Variants in MNAT1 observed in about 807,000 individuals in gnomAD.
MNAT1 encodes MNAT1 component of CDK activating kinase.
A neutral mutation model predicts 42.0 loss-of-function variants in MNAT1; 43 were observed. That is an observed-to-expected ratio of 1.02 (90% CI 0.80 to 1.32). The LOEUF is 1.32. Among genes scored for constraint, MNAT1 ranks in the 40% most tolerant of loss-of-function variants. The pLI is 0.00. For synonymous variants in MNAT1, 118 were observed against 120.0 expected (o/e 0.98, Z 0.11); for missense variants, 306 against 350.4 (o/e 0.87, Z 1.01).
chr14:60,736,922 A>G (rs1896324953), intron 1 of MNAT1, among the ~76,000 whole-genome samples: 2 of 152,198 alleles, frequency 1.3e-5, no homozygotes, highest in Admixed American at 1.3e-4. Context: ...CAGAAATAAA[A>G]TTAAAACAGG....
At chr14:60,831,949 T>A (rs1250728539) in intron 6 of MNAT1, among the ~76,000 whole-genome samples, 1 of 152,214 alleles carries the variant, frequency 6.6e-6, no homozygotes, top group Non-Finnish European at 1.5e-5. Flanking sequence ...CTTTTTTTCA[T>A]GTGTTTGTTG....
At chr14:60,843,832 G>T (rs770529097) in intron 6 of MNAT1, among the ~76,000 whole-genome samples, 18 of 152,048 alleles carry the variant, frequency 1.2e-4, no homozygotes, top group Non-Finnish European at 1.0e-4. Context: ...TTCTTTTAAG[G>T]TAATTTTTGT....
chr14:60,849,528 A>G (rs1315717459), intron 6 of MNAT1, among the ~76,000 whole-genome samples: 1 of 152,182 alleles, frequency 6.6e-6, no homozygotes, highest in African/African-American at 2.4e-5. Flanking sequence ...GTGGTCCTAG[A>G]TTTCTAATAT....
At chr14:60,916,545 C>A (rs2035518654) in intron 7 of MNAT1, among the ~76,000 whole-genome samples, 1 of 152,146 alleles carries the variant, frequency 6.6e-6, no homozygotes, top group African/African-American at 2.4e-5. Context: ...TTCCCAGCTA[C>A]CCAGGAGGCT....
At chr14:60,939,147 CG>C (rs2036078067) in intron 7 of MNAT1, among the ~76,000 whole-genome samples, 1 of 152,000 alleles carries the variant, frequency 6.6e-6, no homozygotes, top group South Asian at 2.1e-4. Context: ...GTCTTGCTAG[CG>C]GTCTATCAAT....
chr14:60,834,941 C>CTTCCTTCCTTCCTTCT lies in MNAT1; in HGVS notation c.687+16109_687+16110insTTTCCTTCCTTCCTTC, dbSNP rs1192817356. 1.7e-3 allele frequency among the ~76,000 whole-genome samples: 235 copies of CTTCCTTCCTTCCTTCT among 139,088 alleles called. 2 individuals carry two copies. The highest frequency in any genetic ancestry group is 6.3e-3 in the African/African-American group (225 of 35,576). 91.2% of individuals were successfully genotyped at this position (139,088 alleles called of 152,430 possible). A position where few individuals can be genotyped will look rare whatever the true frequency, so the allele number is the denominator to read the frequency against. On this transcript the variant is annotated intron_variant, in intron 6 of 7. Coordinates refer to ENST00000261245, the MANE Select transcript of MNAT1 (RefSeq NM_002431.4). ...TGTAGTGCCCTTCCTTCCTTCCTTC[C>CTTCCTTCCTTCCTTCT]TTCCTTCCTTCCTTCCTTCCTTCCT...
chr14:60,872,445 T>C (rs1386105580), intron 6 of MNAT1, among the ~76,000 whole-genome samples: 1 of 152,198 alleles, frequency 6.6e-6, no homozygotes, highest in Admixed American at 6.5e-5. Context: ...CAGCTCTCTC[T>C]GGTTTTCACA....
chr14:60,917,399 A>G (rs1263311760), intron 7 of MNAT1, among the ~76,000 whole-genome samples: 1 of 152,210 alleles, frequency 6.6e-6, no homozygotes, highest in African/African-American at 2.4e-5. Context: ...GTATAAAACA[A>G]TTTTATTAGA....
At chr14:60,759,961 G>T (rs1177317304) in intron 1 of MNAT1, among the ~76,000 whole-genome samples, 3 of 152,094 alleles carry the variant, frequency 2.0e-5, no homozygotes, top group African/African-American at 7.2e-5. Context: ...AGTATAATAT[G>T]GAAGTAGGTC....
chr14:60,757,521 G>A (rs867701540), intron 1 of MNAT1, among the ~76,000 whole-genome samples: 10 of 152,112 alleles, frequency 6.6e-5, no homozygotes, highest in African/African-American at 2.4e-4. Flanking sequence ...CTGTTCCTAA[G>A]CATTTGAACC....
At chr14:60,865,373 C>A (rs1175987130) in intron 6 of MNAT1, among the ~76,000 whole-genome samples, 1 of 152,014 alleles carries the variant, frequency 6.6e-6, no homozygotes, top group East Asian at 1.9e-4. Flanking sequence ...GTTAGGAATT[C>A]TTGGAAATTA....
At position 60,823,408 on chromosome 14, in the gene MNAT1, A is replaced by G. The variant is rs1011850381; in HGVS notation, c.687+4561A>G. 3.9e-5 allele frequency among the ~76,000 whole-genome samples: 6 copies of G among 152,192 alleles called. No homozygotes were observed. In the South Asian group the frequency reaches 6.2e-4, roughly 16 times the overall value. On this transcript the variant is annotated intron_variant, in intron 6 of 7. Transcript: ENST00000261245. ...GAGTTTGTTTGTAATAATGTTTAAC[A>G]TTCTGCTGCAAGGCATATAGATTTG...
chr14:60,841,604 T>A (rs1157292918), intron 6 of MNAT1, among the ~76,000 whole-genome samples: 1 of 152,230 alleles, frequency 6.6e-6, no homozygotes, highest in Non-Finnish European at 1.5e-5. Context: ...TTCACATTTC[T>A]GTCCTTTCTG....
At chr14:60,938,645 T>C (rs189978924) in intron 7 of MNAT1, among the ~76,000 whole-genome samples, 14 of 152,328 alleles carry the variant, frequency 9.2e-5, no homozygotes, top group African/African-American at 3.1e-4. Flanking sequence ...AGTATTTTTT[T>C]GAGAATTTTT....
intron 6 of MNAT1, among the ~76,000 whole-genome samples, chr14:60,869,041 T>TATATATATA (rs373998263): frequency 3.6e-3 from 332 of 92,744 alleles, no homozygotes; most frequent in South Asian, 0.015. Context: ...TATATATATA[T>TATATATATA]TTTTTTTTTT....
chr14:60,741,657 G>GTTTTT (rs1566747118), intron 1 of MNAT1, among the ~76,000 whole-genome samples: 12 of 20,890 alleles, frequency 5.7e-4, no homozygotes, highest in Non-Finnish European at 1.1e-3. Flanking sequence ...CTGCGCCTGG[G>GTTTTT]GTTTTTTTTT....
At chr14:60,766,349 AAAAAAAAAG>A (rs1415176597) in intron 1 of MNAT1, among the ~76,000 whole-genome samples, 6 of 151,670 alleles carry the variant, frequency 4.0e-5, no homozygotes, top group African/African-American at 1.2e-4. Context: ...TCTGTCAAAA[AAAAAAAAAG>A]AAAAAAAAGA....
rs575703914 is a variant in MNAT1, at chr14:60,950,663, T to G, written c.810-17566T>G. Among the ~76,000 whole-genome samples, 102 of 152,294 alleles carry G rather than the reference T, an allele frequency of 6.7e-4. No homozygotes were observed. The South Asian group carries it at 0.012, about 18-fold the overall frequency. On this transcript the variant is annotated intron_variant, in intron 7 of 7. Transcript: ENST00000261245. ...GTATTTTATGTGTGGCCCGAGACAA[T>G]TTTTCTTCCACTGTGGCCCAGGGAA...
At chr14:60,910,639 G>T (rs1411724371) in intron 7 of MNAT1, among the ~76,000 whole-genome samples, 1 of 152,158 alleles carries the variant, frequency 6.6e-6, no homozygotes, top group Admixed American at 6.5e-5. Context: ...ATTGATTTGT[G>T]TATGTTGAAC....
Sources: gnomAD v4.1 joint callset for allele counts (sites outside exome capture counted in the v4.1 genomes callset) on GRCh38, gnomAD v4.1.1 for gene constraint, MANE v1.5 for transcripts, NCBI Gene and HGNC (gene_info 2026-07-23, HGNC 2026-07-21) for gene names.